Variants in QSOX1 observed in about 807,000 individuals in gnomAD.
QSOX1 encodes sulfhydryl oxidase 1.
In QSOX1, 40 loss-of-function variants were observed where a neutral mutation model predicts 76.1. The ratio of observed to expected loss-of-function variants is 0.53; its 90% CI spans 0.41 to 0.68. The LOEUF is 0.68. Ranked by LOEUF, QSOX1 falls within the 30% of genes least tolerant of loss-of-function variation. QSOX1 has a pLI of 0.00. For missense variants in QSOX1, 931 were observed against 974.3 expected (o/e 0.96, Z 0.59); for synonymous variants, 392 against 413.1 (o/e 0.95, Z 0.62).
chr1:180,193,039 C>G (rs369468056), intron 10 of QSOX1, among the ~76,000 whole-genome samples: 1 of 151,826 alleles, frequency 6.6e-6, no homozygotes, highest in Non-Finnish European at 1.5e-5. Context: ...AGGGCTGTGT[C>G]GGTGGAGTAG....
chr1:180,170,653 A>G (rs939119193), intron 2 of QSOX1, among the ~76,000 whole-genome samples: 2 of 152,230 alleles, frequency 1.3e-5, no homozygotes, highest in African/African-American at 4.8e-5. Context: ...ACACTCCCAG[A>G]GTCTTAATTG....
chr1:180,178,528 C>T (rs1485490833), intron 4 of QSOX1, among the ~76,000 whole-genome samples: 1 of 152,244 alleles, frequency 6.6e-6, no homozygotes, highest in African/African-American at 2.4e-5. Context: ...GCACCCGGCC[C>T]ACTCCTGACT....
chr1:180,174,999 CAA>C (rs112165407), intron 2 of QSOX1, among the ~76,000 whole-genome samples: 1 of 151,474 alleles, frequency 6.6e-6, no homozygotes, highest in African/African-American at 2.4e-5. Flanking sequence ...AAAATACACA[CAA>C]AAAAAATTAG....
intron 2 of QSOX1, among the ~76,000 whole-genome samples, chr1:180,171,328 C>T (rs1053128139): frequency 6.1e-5 from 9 of 148,336 alleles, no homozygotes; most frequent in South Asian, 2.2e-4. Flanking sequence ...AACTGGATGA[C>T]GGGTTTTTGA....
At chr1:180,160,096 G>C (rs983550775) in intron 1 of QSOX1, among the ~76,000 whole-genome samples, 3 of 152,160 alleles carry the variant, frequency 2.0e-5, no homozygotes, top group Non-Finnish European at 2.9e-5. Flanking sequence ...AGAGGATACA[G>C]TGTAACAGGG....
chr1:180,159,022 G>A (rs185152926), intron 1 of QSOX1, among the ~76,000 whole-genome samples: 20 of 152,328 alleles, frequency 1.3e-4, no homozygotes, highest in Non-Finnish European at 2.8e-4. Context: ...GCACTTGTGA[G>A]TGGGGCAGGG....
chr1:180,196,899 A>T lies in QSOX1; in HGVS notation c.2106A>T (p.Gly702=), dbSNP rs1283963576. The T allele has an allele frequency of 7.5e-6, 12 of 1,593,098 alleles. No individual in the cohort carries two copies. The highest frequency in any genetic ancestry group is 9.4e-6 in the Non-Finnish European group (11 of 1,167,520). ...GAGGCCAGTGGCTGCAGGTGCTGGG[A>T]GGGGGCTTCTCTTACCTGGACATCA... ...RGRGQWLQVL[G]GGFSYLDISL... is the part of the protein sequence containing the mutation. The change falls in exon 12 of 12, where the codon GGA becomes GGT. Residue 702 remains glycine (G), a synonymous_variant. Coordinates refer to ENST00000367602, the MANE Select transcript of QSOX1 (RefSeq NM_002826.5). The surrounding 1 kb of genome is among the most constrained non-coding windows in gnomAD (Gnocchi z 4.1).
At position 180,202,262 on chromosome 1, in the gene QSOX1, T is replaced by C. The variant is rs1663651009; in HGVS notation, c.*5225T>C. The C allele has an allele frequency of 6.6e-6, 1 of 152,264 alleles. No homozygotes were observed. Among genetic ancestry groups the C allele is most frequent in the African/African-American group, 2.4e-5 (1 of 41,440 alleles). The allele number at this position is 152,264 out of a possible 1,614,324, so 9.4% of individuals were successfully genotyped here. On this transcript the variant is annotated 3_prime_UTR_variant, in exon 12 of 12. Transcript: ENST00000367602. ...GTGCTGGTAGCTCCAGCTGCTGCTT[T>C]GGCAAGACTTGGTCGTCTCTATACT...
intron 2 of QSOX1, among the ~76,000 whole-genome samples, chr1:180,170,276 G>A (rs1662729536): frequency 6.6e-6 from 1 of 152,184 alleles, no homozygotes; most frequent in South Asian, 2.1e-4. Context: ...GAAAAAGGAG[G>A]TGGGCCCCTT....
At chr1:180,171,050 G>A (rs1662748252) in intron 2 of QSOX1, among the ~76,000 whole-genome samples, 2 of 152,166 alleles carry the variant, frequency 1.3e-5, no homozygotes, top group Admixed American at 1.3e-4. Flanking sequence ...ATTGACAGTG[G>A]GGAGTCATGG....
At chr1:180,188,662 A>C (rs1458703697) in intron 8 of QSOX1, among the ~76,000 whole-genome samples, 1 of 152,208 alleles carries the variant, frequency 6.6e-6, no homozygotes, top group Non-Finnish European at 1.5e-5. Flanking sequence ...TCTCAGAGGA[A>C]TGGATCTGTT....
At chr1:180,173,450 G>A (rs1446508226) in intron 2 of QSOX1, among the ~76,000 whole-genome samples, 1 of 152,180 alleles carries the variant, frequency 6.6e-6, no homozygotes, top group Non-Finnish European at 1.5e-5. Flanking sequence ...TTAAATAACT[G>A]TAAAGAACGC....
At chr1:180,182,041 A>T in intron 5 of QSOX1, 133 bp from the exon 6 acceptor site, 1 of 839,018 alleles carries the variant, frequency 1.2e-6, no homozygotes. Context: ...AGTGTGGTCC[A>T]CTCTTTGTGG....
At chr1:180,180,011 G>C (rs571408853) in intron 5 of QSOX1, among the ~76,000 whole-genome samples, 5 of 152,240 alleles carry the variant, frequency 3.3e-5, no homozygotes, top group South Asian at 2.1e-4. Context: ...TGGGGTCCCA[G>C]TGGTTGGAGC....
At chr1:180,175,244 A>G in intron 2 of QSOX1, 77 bp from the exon 3 acceptor site, 1 of 1,397,546 alleles carries the variant, frequency 7.2e-7, no homozygotes, top group Non-Finnish European at 1.0e-6. Context: ...AAGTAGGCAG[A>G]TTTTCAGAGC....
At chr1:180,182,397 G>A (rs2149238532) in intron 6 of QSOX1, 78 bp downstream of exon 6, 11 of 1,554,470 alleles carry the variant, frequency 7.1e-6, no homozygotes, top group Middle Eastern at 3.4e-4. Context: ...GGGGCTGCCC[G>A]CCTTTCACAG....
Position 180,198,517 on chromosome 1 carries a change from T to C in QSOX1, c.*1480T>C, listed in dbSNP as rs527266183. On this transcript the variant is annotated 3_prime_UTR_variant, in exon 12 of 12. Transcript: ENST00000367602. ...CCTCAATCCGATTTGGTTTTCTCTTTGACATCTTCACTCTGCTCAGATGGC... is the reference window on the plus strand; with the variant it reads ...CCTCAATCCGATTTGGTTTTCTCTTCGACATCTTCACTCTGCTCAGATGGC... The C allele has an allele frequency of 1.2e-3, 476 of 409,320 alleles. 1 individual carries two copies. Among genetic ancestry groups the C allele is most frequent in the Non-Finnish European group, 1.8e-3 (351 of 197,804 alleles). The allele number at this position is 409,320 out of a possible 1,614,324, so 25.4% of individuals were successfully genotyped here. A position where few individuals can be genotyped will look rare whatever the true frequency, so the allele number is the denominator to read the frequency against.
intron 1 of QSOX1, 102 bp from the exon 2 acceptor site, chr1:180,166,389 T>A: frequency 1.2e-6 from 1 of 847,750 alleles, no homozygotes; most frequent in African/African-American, 1.7e-5. Flanking sequence ...TGGGATCAGG[T>A]GCTTTGAGGT....
At chr1:180,159,695 T>C (rs1662451079) in intron 1 of QSOX1, among the ~76,000 whole-genome samples, 1 of 152,196 alleles carries the variant, frequency 6.6e-6, no homozygotes, top group African/African-American at 2.4e-5. Context: ...TGTTTGAAGA[T>C]TTGACTGTTA....
Sources: allele counts gnomAD v4.1 joint callset (sites outside exome capture counted in the v4.1 genomes callset), GRCh38; gene constraint gnomAD v4.1.1; non-coding constraint Gnocchi (gnomAD v3.1); transcripts MANE v1.5; gene names NCBI Gene and HGNC (gene_info 2026-07-23, HGNC 2026-07-21).